The following LRP11 variants were observed in gnomAD, a reference collection of about 807,000 sequenced individuals.
LRP11 encodes the protein LDL receptor related protein 11.
In LRP11, 25 loss-of-function variants were observed where a neutral mutation model predicts 43.1. That is an observed-to-expected ratio of 0.58 (90% CI 0.42 to 0.81). The LOEUF is 0.81. LRP11 is among the 30% of genes least tolerant of loss of function. The pLI, the probability that LRP11 is intolerant of heterozygous loss-of-function variation, is 0.00. For missense variants in LRP11, 623 were observed against 665.1 expected, an observed-to-expected ratio of 0.94 and a Z score of 0.70; for synonymous variants, 316 against 299.4, an observed-to-expected ratio of 1.06 and a Z score of -0.57.
chr6:149,828,338 T>C (rs186516209), intron 5 of LRP11, among the ~76,000 whole-genome samples: 2 of 152,290 alleles, frequency 1.3e-5, no homozygotes, highest in African/African-American at 4.8e-5. Flanking sequence ...TTTTTACTGC[T>C]AGTAGACAGA....
At chr6:149,822,578 G>C (rs934481687) in intron 6 of LRP11, among the ~76,000 whole-genome samples, 1 of 151,988 alleles carries the variant, frequency 6.6e-6, no homozygotes, top group African/African-American at 2.4e-5. Flanking sequence ...ACCCCAGACA[G>C]GACAGCCCCA....
Position 149,826,304 on chromosome 6 carries a change from C to T in LRP11, c.1308G>A (p.Lys436=), listed in dbSNP as rs760379286. 2 of 1,613,872 alleles carry T rather than the reference C, an allele frequency of 1.2e-6. No individual in the cohort carries two copies. Among genetic ancestry groups the T allele is most frequent in the Non-Finnish European group, 1.7e-6 (2 of 1,179,754 alleles). The change falls in exon 6 of 7, where the codon AAG becomes AAA. Residue 436 remains lysine, a synonymous_variant. Coordinates refer to ENST00000239367, the MANE Select transcript of LRP11 (RefSeq NM_032832.6). ...RKEESYIFES[K]GDGGGGEHPA... is the part of the protein sequence containing the mutation. The stretch of plus-strand genomic sequence containing the variant: ...GGTGTTCCCCTCCTCCTCCATCACC[C>T]TTTGACTCAAATATATAACTTTCCT...
chr6:149,860,836 CT>C (rs1227165650), intron 1 of LRP11, among the ~76,000 whole-genome samples: 2 of 152,196 alleles, frequency 1.3e-5, no homozygotes, highest in African/African-American at 2.4e-5. Context: ...GGAGTTCAGG[CT>C]CCACAACCCC....
At chr6:149,832,681 C>T (rs926716271) in intron 5 of LRP11, among the ~76,000 whole-genome samples, 5 of 146,288 alleles carry the variant, frequency 3.4e-5, no homozygotes, top group African/African-American at 2.5e-5. Context: ...AGTGCAGTGG[C>T]GCAATCTCAG....
intron 6 of LRP11, among the ~76,000 whole-genome samples, chr6:149,824,429 T>A (rs182974277): frequency 2.0e-4 from 30 of 152,352 alleles, no homozygotes; most frequent in African/African-American, 7.2e-4. Flanking sequence ...ACTTTTAATA[T>A]TTAGTTGGCT....
At chr6:149,838,759 A>C (rs926310672) in intron 3 of LRP11, among the ~76,000 whole-genome samples, 2 of 151,994 alleles carry the variant, frequency 1.3e-5, no homozygotes, top group African/African-American at 2.4e-5. Context: ...TTTGCAGTGC[A>C]ATTCATAGGA....
At chr6:149,848,578 A>G (rs1366052033) in intron 2 of LRP11, among the ~76,000 whole-genome samples, 1 of 152,210 alleles carries the variant, frequency 6.6e-6, no homozygotes, top group East Asian at 1.9e-4. Context: ...TGTCCTTTGT[A>G]GGAACATGGA....
At chr6:149,829,148 T>C (rs1393989360) in intron 5 of LRP11, among the ~76,000 whole-genome samples, 2 of 152,196 alleles carry the variant, frequency 1.3e-5, no homozygotes, top group African/African-American at 4.8e-5. Flanking sequence ...CCCCATGCCG[T>C]ACTGCCAGGT....
chr6:149,830,529 C>T (rs1301770711), intron 5 of LRP11, among the ~76,000 whole-genome samples: 1 of 152,144 alleles, frequency 6.6e-6, no homozygotes, highest in Admixed American at 6.5e-5. Context: ...GGCAAAATCA[C>T]ACACTTTTAA....
At position 149,863,508 on chromosome 6, in the gene LRP11, G is replaced by T; in HGVS notation, c.513C>A (p.Asn171Lys). 1 of 1,347,576 alleles carries T rather than the reference G, an allele frequency of 7.4e-7. No homozygotes were observed. Among genetic ancestry groups the T allele is most frequent in the Non-Finnish European group, 9.4e-7 (1 of 1,058,774 alleles). 83.5% of individuals were successfully genotyped at this position (1,347,576 alleles called of 1,614,324 possible). The change falls in exon 1 of 7, where the codon AAC becomes AAA. Residue 171 changes from asparagine to lysine, a missense_variant. Asn to Lys is a moderately conservative substitution (Grantham distance 94). Transcript: ENST00000239367. ...CGCTGTGCAGCGCGAACTTGCAGAC[G>T]TTGCGGCCGCGCGCCGTGCAGTTGA... ...YLFNCTARGR[N>K]VCKFALHSGY...
At chr6:149,844,593 T>TA (rs1776603658) in intron 2 of LRP11, among the ~76,000 whole-genome samples, 1 of 152,244 alleles carries the variant, frequency 6.6e-6, no homozygotes, top group Admixed American at 6.5e-5. Flanking sequence ...ATTACCTATT[T>TA]AATATTCTAT....
At position 149,864,142 on chromosome 6, in the gene LRP11, C is replaced by T; in HGVS notation, c.-122G>A. On this transcript the variant is annotated 5_prime_UTR_variant, in exon 1 of 7. Coordinates refer to ENST00000239367, the MANE Select transcript of LRP11 (RefSeq NM_032832.6). ...GCCGCGGCTGGCTCTAGGCCCCGGC[C>T]TCACAGCGCGGCGCCCCCGAACCCG... 1.7e-6 allele frequency: 2 copies of T among 1,161,802 alleles called. No homozygotes were observed. Among genetic ancestry groups the T allele is most frequent in the Non-Finnish European group, 2.1e-6 (2 of 943,786 alleles). The allele number at this position is 1,161,802 out of a possible 1,614,324, so 72.0% of individuals were successfully genotyped here.
rs1360669422 is a variant in LRP11, at chr6:149,819,600, T to C, written c.*949A>G. On this transcript the variant is annotated 3_prime_UTR_variant, in exon 7 of 7. Coordinates refer to ENST00000239367, the MANE Select transcript of LRP11 (RefSeq NM_032832.6). ...CATTAAAAAACATCGACTCATTCCATTGGATGAAAGCCATGGTGACATTTT... is the reference window on the plus strand; with the variant it reads ...CATTAAAAAACATCGACTCATTCCACTGGATGAAAGCCATGGTGACATTTT... 2.6e-5 allele frequency: 4 copies of C among 152,618 alleles called. No homozygotes were observed. The East Asian group carries it at 7.7e-4, about 29-fold the overall frequency. 9.5% of individuals were successfully genotyped at this position (152,618 alleles called of 1,614,324 possible).
intron 6 of LRP11, among the ~76,000 whole-genome samples, chr6:149,825,644 T>A (rs1776328484): frequency 6.8e-6 from 1 of 147,328 alleles, no homozygotes; most frequent in Non-Finnish European, 1.5e-5. Flanking sequence ...TACAGTTTAG[T>A]GGGTAAGTGA....
At chr6:149,840,077 T>A (rs570166964) in intron 3 of LRP11, among the ~76,000 whole-genome samples, 18 of 152,324 alleles carry the variant, frequency 1.2e-4, no homozygotes, top group Non-Finnish European at 2.4e-4. Context: ...GTTCAAAATG[T>A]CAACTTATTA....
intron 1 of LRP11, among the ~76,000 whole-genome samples, chr6:149,857,203 T>G (rs562379119): frequency 1.3e-5 from 2 of 152,296 alleles, no homozygotes; most frequent in Admixed American, 1.3e-4. Context: ...TAGGCCGAAC[T>G]AATTTTGGGA....
intron 1 of LRP11, 110 bp from the exon 2 acceptor site, chr6:149,853,270 G>A: frequency 2.5e-6 from 2 of 796,042 alleles, no homozygotes; most frequent in Non-Finnish European, 3.7e-6. Flanking sequence ...ACTGCTAAGA[G>A]AATCCATATT....
chr6:149,837,555 T>C (rs537916919), intron 3 of LRP11, 92 bp from the exon 4 acceptor site: 51 of 1,334,388 alleles, frequency 3.8e-5, no homozygotes, highest in African/African-American at 1.3e-4. Flanking sequence ...GATGATAAAA[T>C]GCACTTCGGG....
At chr6:149,824,315 A>G (rs916619861) in intron 6 of LRP11, among the ~76,000 whole-genome samples, 2 of 152,250 alleles carry the variant, frequency 1.3e-5, no homozygotes, top group Non-Finnish European at 2.9e-5. Context: ...TAAGTCAGAT[A>G]TGAGGCTGCT....
Sources: gnomAD v4.1 joint callset for allele counts (sites outside exome capture counted in the v4.1 genomes callset) on GRCh38, gnomAD v4.1.1 for gene constraint, MANE v1.5 for transcripts, NCBI Gene and HGNC (gene_info 2026-07-23, HGNC 2026-07-21) for gene names.